The following PAN3 variants were observed in gnomAD, a reference collection of about 807,000 sequenced individuals.
The protein encoded by PAN3 is poly(A) specific ribonuclease subunit PAN3.
A neutral mutation model predicts 96.2 loss-of-function variants in PAN3; 19 were observed. The ratio of observed to expected loss-of-function variants is 0.20; its 90% CI spans 0.14 to 0.29. The LOEUF (loss-of-function observed/expected upper bound fraction) is 0.29, where lower values mean the gene tolerates loss of function less well. Ranked by LOEUF, PAN3 falls within the 10% of genes least tolerant of loss-of-function variation. The pLI is 1.00. For synonymous variants in PAN3, 433 were observed against 406.6 expected (o/e 1.06, Z -0.78); for missense variants, 882 against 1,108.1 (o/e 0.80, Z 2.90).
chr13:28,172,140 GC>G (rs1213335573), intron 1 of PAN3, among the ~76,000 whole-genome samples: 1 of 152,086 alleles, frequency 6.6e-6, no homozygotes, highest in African/African-American at 2.4e-5. Context: ...TATTTCTTTC[GC>G]AGTGTCACAG....
intron 1 of PAN3, among the ~76,000 whole-genome samples, chr13:28,141,904 T>G (rs1332769766): frequency 1.3e-5 from 2 of 152,170 alleles, no homozygotes; most frequent in Non-Finnish European, 2.9e-5. Context: ...GTGGGACATC[T>G]TAGGAAAATA....
intron 18 of PAN3, among the ~76,000 whole-genome samples, chr13:28,288,828 A>ATTTT (rs756889416): frequency 8.1e-5 from 10 of 123,726 alleles, no homozygotes; most frequent in African/African-American, 2.6e-4. Context: ...TTAACTATAG[A>ATTTT]TTTTTTTTTT....
intron 9 of PAN3, among the ~76,000 whole-genome samples, chr13:28,264,275 A>C (rs1437989858): frequency 1.3e-5 from 2 of 152,254 alleles, no homozygotes; most frequent in Non-Finnish European, 2.9e-5. Context: ...GCAGTGGCTC[A>C]CACCTGTAAT....
chr13:28,192,347 C>T (rs1273056471), intron 4 of PAN3, among the ~76,000 whole-genome samples: 1 of 152,200 alleles, frequency 6.6e-6, no homozygotes, highest in Non-Finnish European at 1.5e-5. Flanking sequence ...GGATTATAGG[C>T]GTGAGCCACC....
chr13:28,251,598 T>A (rs891064460), intron 6 of PAN3, among the ~76,000 whole-genome samples: 3 of 152,330 alleles, frequency 2.0e-5, no homozygotes, highest in African/African-American at 7.2e-5. Context: ...CCTTCCTCCT[T>A]TTTCTCCATT....
intron 17 of PAN3, among the ~76,000 whole-genome samples, chr13:28,284,329 G>A (rs1478872898): frequency 2.0e-5 from 3 of 149,282 alleles, no homozygotes; most frequent in Non-Finnish European, 4.4e-5. Flanking sequence ...CAATTGGATT[G>A]CTTGTCTTTC....
intron 6 of PAN3, among the ~76,000 whole-genome samples, chr13:28,222,331 A>C (rs1414329893): frequency 6.6e-6 from 1 of 152,168 alleles, no homozygotes; most frequent in East Asian, 1.9e-4. Context: ...TTAGCTGAAA[A>C]TCTATTCTTC....
At chr13:28,283,209 C>T (rs971764531) in intron 17 of PAN3, among the ~76,000 whole-genome samples, 1 of 152,048 alleles carries the variant, frequency 6.6e-6, no homozygotes, top group Non-Finnish European at 1.5e-5. Context: ...CCACCATGCC[C>T]AGCTAATTTT....
intron 1 of PAN3, among the ~76,000 whole-genome samples, chr13:28,150,781 G>C (rs1030335752): frequency 6.6e-6 from 1 of 152,080 alleles, no homozygotes; most frequent in Non-Finnish European, 1.5e-5. Context: ...CATTTATTGA[G>C]TGTTTACTCT....
intron 1 of PAN3, among the ~76,000 whole-genome samples, chr13:28,149,925 A>G (rs923183783): frequency 1.3e-5 from 2 of 152,206 alleles, no homozygotes; most frequent in Non-Finnish European, 2.9e-5. Flanking sequence ...CCAAGCCTAC[A>G]TTCTTTATAT....
At chr13:28,159,719 A>C (rs1355503443) in intron 1 of PAN3, among the ~76,000 whole-genome samples, 1 of 151,958 alleles carries the variant, frequency 6.6e-6, no homozygotes, top group Non-Finnish European at 1.5e-5. Context: ...AGGTGCTGGG[A>C]TTATAGGTGT....
At chr13:28,213,532 T>C (rs1418526241) in intron 5 of PAN3, among the ~76,000 whole-genome samples, 1 of 152,082 alleles carries the variant, frequency 6.6e-6, no homozygotes. Context: ...ACTCAGAAAC[T>C]GGTAAAATTC....
intron 6 of PAN3, among the ~76,000 whole-genome samples, chr13:28,226,229 T>G (rs1457627369): frequency 6.6e-6 from 1 of 152,198 alleles, no homozygotes; most frequent in Non-Finnish European, 1.5e-5. Flanking sequence ...ATATAATTAT[T>G]AAAAATAAAA....
intron 14 of PAN3, among the ~76,000 whole-genome samples, chr13:28,276,062 T>C (rs1250110851): frequency 6.6e-6 from 1 of 152,304 alleles, no homozygotes; most frequent in East Asian, 1.9e-4. Context: ...GTTACAAATA[T>C]TCCAACAAAC....
Position 28,197,259 on chromosome 13 carries a change from C to T in PAN3, c.765C>T (p.Asn255=). 6.2e-7 allele frequency: 1 copy of T among 1,613,248 alleles called. No homozygotes were observed. The highest frequency in any genetic ancestry group is 2.2e-5 in the East Asian group (1 of 44,836). The part of the protein sequence containing the change: ...PMGSKARKAK[N]PIGCLADRCK... ...GATCAAAGGCACGAAAAGCAAAGAA[C>T]CCTATTGGCTGCCTTGCTGACAGGT... The change falls in exon 5 of 19, where the codon AAC becomes AAT. Residue 255 remains asparagine (N), a synonymous_variant. Transcript: ENST00000380958.
intron 1 of PAN3, among the ~76,000 whole-genome samples, chr13:28,140,691 T>C (rs966472724): frequency 7.2e-6 from 1 of 139,048 alleles, no homozygotes; most frequent in Admixed American, 6.8e-5. Flanking sequence ...CAAGTGTTGT[T>C]CTGTTCTGTT....
At chr13:28,275,354 C>T (rs1886972508) in intron 14 of PAN3, among the ~76,000 whole-genome samples, 1 of 152,012 alleles carries the variant, frequency 6.6e-6, no homozygotes. Flanking sequence ...TCTCTTGGAC[C>T]ATTTTGGTTT....
intron 5 of PAN3, among the ~76,000 whole-genome samples, chr13:28,209,206 G>A (rs924308366): frequency 9.2e-5 from 14 of 151,908 alleles, no homozygotes; most frequent in African/African-American, 3.1e-4. Context: ...CCATGAATAC[G>A]GAGTGCTGAC....
At chr13:28,192,048 CTTTTT>C (rs58195419) in intron 4 of PAN3, among the ~76,000 whole-genome samples, 1 of 123,180 alleles carries the variant, frequency 8.1e-6, no homozygotes, top group Non-Finnish European at 1.7e-5. Flanking sequence ...TAAAACAATA[CTTTTT>C]TTTTTTTTTT....
Sources: allele counts gnomAD v4.1 joint callset (sites outside exome capture counted in the v4.1 genomes callset), GRCh38; gene constraint gnomAD v4.1.1; transcripts MANE v1.5; gene names NCBI Gene and HGNC (gene_info 2026-07-23, HGNC 2026-07-21).